Variants in POLR2B observed in about 807,000 individuals in gnomAD.
The protein encoded by POLR2B is RNA polymerase II subunit B, also known as DNA-directed RNA polymerase II subunit RPB2.
Under a neutral mutation model 144.6 loss-of-function variants are expected in POLR2B, and 57 were observed. That is an observed-to-expected ratio of 0.39 (90% CI 0.32 to 0.49). POLR2B has a LOEUF of 0.49. Among genes scored for constraint, POLR2B ranks in the 20% least tolerant of loss-of-function variants. The pLI is 0.83. For missense variants in POLR2B, 595 were observed against 1,467.4 expected, an observed-to-expected ratio of 0.41 and a Z score of 9.71; for synonymous variants, 442 against 469.8, an observed-to-expected ratio of 0.94 and a Z score of 0.77.
At chr4:56,990,710 ACT>A (rs779965595) in intron 2 of POLR2B, 36 bp from the exon 3 acceptor site, 3 of 1,538,314 alleles carry the variant, frequency 2.0e-6, no homozygotes, top group Admixed American at 4.0e-5. Flanking sequence ...AGAAATTATC[ACT>A]GAGTTGCAAC....
At chr4:56,996,698 G>A (rs1722702102) in intron 6 of POLR2B, among the ~76,000 whole-genome samples, 2 of 152,106 alleles carry the variant, frequency 1.3e-5, no homozygotes, top group Admixed American at 1.3e-4. Context: ...CCTCAAGAAT[G>A]TTTTTCATAA....
At chr4:56,985,352 G>A in intron 1 of POLR2B, 1 of 985,354 alleles carries the variant, frequency 1.0e-6, no homozygotes, top group Non-Finnish European at 1.2e-6. Context: ...GTAGCCGCGA[G>A]GGACCGGTGG....
intron 23 of POLR2B, among the ~76,000 whole-genome samples, chr4:57,026,938 TTTTA>T (rs1723741146): frequency 6.6e-6 from 1 of 152,188 alleles, no homozygotes; most frequent in African/African-American, 2.4e-5. Context: ...CATTGTAGTA[TTTTA>T]TTTTTTATAT....
intron 7 of POLR2B, among the ~76,000 whole-genome samples, chr4:57,003,750 C>T (rs867772670): frequency 6.0e-5 from 9 of 151,194 alleles, no homozygotes; most frequent in Middle Eastern, 3.2e-3. Context: ...GGCTGAGGCA[C>T]GAGAATCACT....
At chr4:56,981,651 CTA>C (rs2109637381) in intron 1 of POLR2B, among the ~76,000 whole-genome samples, 1 of 152,332 alleles carries the variant, frequency 6.6e-6, no homozygotes, top group East Asian at 1.9e-4. Context: ...TTTTCAGTCA[CTA>C]TGTGAAAATG....
rs74937555 is a variant in POLR2B, at chr4:57,005,586, T to C, written c.1098-14T>C. 1.2e-4 allele frequency: 176 copies of C among 1,443,334 alleles called. No homozygotes were observed. The African/African-American group carries it at 1.7e-3, about 14-fold the overall frequency. 89.4% of individuals were successfully genotyped at this position (1,443,334 alleles called of 1,614,324 possible). The stretch of plus-strand genomic sequence containing the variant: ...GTTTTCCCTCTTTCTTTCTTTCTTT[T>C]TTTTTTTTTAAAGATACATGGTTCA... On this transcript the variant is annotated splice_polypyrimidine_tract_variant and intron_variant, in intron 8 of 24. Transcript: ENST00000314595.
chr4:56,989,859 C>T (rs963426678), intron 2 of POLR2B, among the ~76,000 whole-genome samples: 5 of 152,136 alleles, frequency 3.3e-5, no homozygotes, highest in Non-Finnish European at 5.9e-5. Flanking sequence ...CGTGTATCTA[C>T]TTGTCTCTGT....
chr4:57,031,027 G>T lies in POLR2B; in HGVS notation c.*39G>T. On this transcript the variant is annotated 3_prime_UTR_variant, in exon 25 of 25. Transcript: ENST00000314595. ...GTCAACAAGATAATTAAATATCTTGGTGTCTTGTTTCTATTGTGTGGCTTT... is the reference window on the plus strand; with the variant it reads ...GTCAACAAGATAATTAAATATCTTGTTGTCTTGTTTCTATTGTGTGGCTTT... The T allele has an allele frequency of 1.2e-5, 14 of 1,191,816 alleles. No homozygotes were observed. The highest frequency in any genetic ancestry group is 3.0e-5 in the African/African-American group (2 of 67,054). The allele number at this position is 1,191,816 out of a possible 1,614,324, so 73.8% of individuals were successfully genotyped here. A position where few individuals can be genotyped will look rare whatever the true frequency, so the allele number is the denominator to read the frequency against.
intron 2 of POLR2B, among the ~76,000 whole-genome samples, chr4:56,988,700 A>G (rs1177409000): frequency 6.6e-6 from 1 of 152,218 alleles, no homozygotes; most frequent in East Asian, 1.9e-4. Flanking sequence ...CACAAAAAAT[A>G]AAACAAATTG....
intron 6 of POLR2B, among the ~76,000 whole-genome samples, chr4:56,996,918 C>T (rs1005172602): frequency 6.6e-6 from 1 of 151,956 alleles, no homozygotes; most frequent in East Asian, 1.9e-4. Context: ...AACACTTTCT[C>T]TAGCAAAACA....
chr4:57,007,451 A>C (rs1001654851), intron 10 of POLR2B, among the ~76,000 whole-genome samples: 1 of 152,136 alleles, frequency 6.6e-6, no homozygotes, highest in Non-Finnish European at 1.5e-5. Context: ...GGGACTTTTG[A>C]ATTATGAACA....
chr4:57,004,984 C>T (rs183927129), intron 7 of POLR2B, among the ~76,000 whole-genome samples: 1 of 152,294 alleles, frequency 6.6e-6, no homozygotes, highest in East Asian at 1.9e-4. Context: ...TGCTCCTGGC[C>T]ATGCACTACT....
intron 16 of POLR2B, among the ~76,000 whole-genome samples, 200 bp from the exon 17 acceptor site, chr4:57,020,699 T>A (rs1440430156): frequency 7.2e-5 from 11 of 152,196 alleles, no homozygotes; most frequent in Non-Finnish European, 1.5e-5. Context: ...TCCTAGGATT[T>A]GCTTGTGGGA....
intron 23 of POLR2B, among the ~76,000 whole-genome samples, chr4:57,029,344 ATGTAGTTCTTATAG>A (rs1339108048): frequency 1.3e-5 from 2 of 152,110 alleles, no homozygotes; most frequent in Non-Finnish European, 2.9e-5. Flanking sequence ...TTACCTAGTG[ATGTAGTTCTTATAG>A]TAAGGGCAGG....
chr4:57,013,520 T>C (rs970352267), intron 13 of POLR2B, among the ~76,000 whole-genome samples: 1 of 150,172 alleles, frequency 6.7e-6, no homozygotes, highest in African/African-American at 2.5e-5. Context: ...TTGGGAGCTA[T>C]GCAGTAGGTT....
intron 18 of POLR2B, among the ~76,000 whole-genome samples, chr4:57,022,584 C>T (rs1237759761): frequency 6.6e-6 from 1 of 152,124 alleles, no homozygotes; most frequent in African/African-American, 2.4e-5. Context: ...ATGGTGTGAT[C>T]ATAATATTTG....
intron 13 of POLR2B, among the ~76,000 whole-genome samples, chr4:57,013,259 G>A (rs1578582092): frequency 6.6e-6 from 1 of 151,908 alleles, no homozygotes; most frequent in Middle Eastern, 3.4e-3. Context: ...TAACAGGTGT[G>A]AGCCACTGAG....
chr4:56,981,694 T>A (rs1722161564), intron 1 of POLR2B, among the ~76,000 whole-genome samples: 1 of 152,372 alleles, frequency 6.6e-6, no homozygotes, highest in Non-Finnish European at 1.5e-5. Context: ...TGGAAACAAG[T>A]TAAATTCTTT....
At chr4:57,001,525 T>C (rs1279787095) in intron 7 of POLR2B, among the ~76,000 whole-genome samples, 1 of 152,228 alleles carries the variant, frequency 6.6e-6, no homozygotes, top group African/African-American at 2.4e-5. Flanking sequence ...TTTTGTAGAA[T>C]TGTCCTCAGT....
Sources: gnomAD v4.1 joint callset for allele counts (sites outside exome capture counted in the v4.1 genomes callset) on GRCh38, gnomAD v4.1.1 for gene constraint, MANE v1.5 for transcripts, NCBI Gene and HGNC (gene_info 2026-07-23, HGNC 2026-07-21) for gene names.